Variants in MMP2 observed in about 807,000 individuals in gnomAD.
MMP2 encodes matrix metallopeptidase 2.
MMP2 carries 39 observed loss-of-function variants against 74.8 expected under a neutral mutation model. The observed-to-expected ratio is 0.52, with a 90% CI of 0.40 to 0.68. MMP2 has a LOEUF of 0.68. Among genes scored for constraint, MMP2 ranks in the 30% least tolerant of loss-of-function variants. The probability of loss-of-function intolerance (pLI) is 0.00; values close to 1 mark genes in which losing one functional copy is unlikely to be tolerated. For missense variants in MMP2, 803 were observed against 878.3 expected, an observed-to-expected ratio of 0.91 and a Z score of 1.08; for synonymous variants, 367 against 339.8, an observed-to-expected ratio of 1.08 and a Z score of -0.88.
At chr16:55,487,361 A>T (rs1421016705) in intron 5 of MMP2, 5 of 152,332 alleles carry the variant, frequency 3.3e-5, no homozygotes, top group African/African-American at 1.2e-4. Context: ...GGGTGGTAGA[A>T]ATGAGAGGTC....
Position 55,483,105 on chromosome 16 carries a change from C to T in MMP2, c.350C>T (p.Pro117Leu). 1 of 1,614,052 alleles carries T rather than the reference C, an allele frequency of 6.2e-7. No homozygotes were observed. The highest frequency in any genetic ancestry group is 8.5e-7 in the Non-Finnish European group (1 of 1,179,984). ...VANYNFFPRK[P>L]KWDKNQITYR... ...AACTACAACTTCTTCCCTCGCAAGC[C>T]CAAGTGGGACAAGAACCAGATCACA... Residue 117 changes from proline to leucine, a missense_variant, in exon 2 of 13, where the codon CCC (proline) becomes CTC (leucine). By Grantham distance (98) the Pro-to-Leu change is moderately conservative (BLOSUM62 -3). This residue lies in a region of MMP2 where 223 missense variants were observed against 232.8 expected (regional missense o/e 0.96). Transcript: ENST00000219070.
At chr16:55,480,953 C>A (rs1347709639) in intron 1 of MMP2, among the ~76,000 whole-genome samples, 5 of 152,078 alleles carry the variant, frequency 3.3e-5, no homozygotes, top group South Asian at 4.2e-4. Context: ...GGGACAATGA[C>A]AAAGCTACTT....
At chr16:55,488,185 A>C (rs974895363) in intron 5 of MMP2, 3 of 304,668 alleles carry the variant, frequency 9.8e-6, no homozygotes, top group Middle Eastern at 1.1e-3. Context: ...TGATATATTC[A>C]TGTCATACAT....
intron 9 of MMP2, 146 bp from the exon 10 acceptor site, chr16:55,496,780 C>T: frequency 9.0e-7 from 1 of 1,115,440 alleles, no homozygotes. Context: ...TTCTCCAGTC[C>T]TTCTCCAACC....
chr16:55,500,947 G>C (rs1221604188), intron 11 of MMP2, among the ~76,000 whole-genome samples: 1 of 152,230 alleles, frequency 6.6e-6, no homozygotes, highest in Non-Finnish European at 1.5e-5. Flanking sequence ...TTCCACATCT[G>C]CTGTGTGCCA....
chr16:55,500,538 C>CACACACACACACACACACACAG (rs1227112652), intron 11 of MMP2, among the ~76,000 whole-genome samples: 32 of 147,614 alleles, frequency 2.2e-4, no homozygotes, highest in Admixed American at 7.5e-4. Context: ...CACACACACA[C>CACACACACACACACACACACAG]AGGCATGGAG....
Position 55,499,795 on chromosome 16 carries a change from G to A in MMP2, c.1769+1347G>A, listed in dbSNP as rs146771053. Among the ~76,000 whole-genome samples the A allele has an allele frequency of 3.8e-3, 574 of 152,278 alleles. 4 individuals are homozygous for A. Among genetic ancestry groups the A allele is most frequent in the African/African-American group, 0.013 (526 of 41,542 alleles). ...AGTACCCCCTCCACTATACCTGCCA[G>A]TCCATTTGATTAGTGAGGAAAGAGT... On this transcript the variant is annotated intron_variant, in intron 11 of 12. Coordinates refer to ENST00000219070, the MANE Select transcript of MMP2 (RefSeq NM_004530.6).
intron 5 of MMP2, 81 bp from the exon 6 acceptor site, chr16:55,488,462 C>T (rs966272107): frequency 5.1e-6 from 7 of 1,383,284 alleles, no homozygotes; most frequent in Non-Finnish European, 7.1e-6. Context: ...CTGGTGTGAA[C>T]CGGCAGGTGG....
At chr16:55,501,532 T>C (rs1962665914) in intron 11 of MMP2, among the ~76,000 whole-genome samples, 1 of 152,060 alleles carries the variant, frequency 6.6e-6, no homozygotes, top group African/African-American at 2.4e-5. Context: ...AGTGTTGGGA[T>C]TTTGAGCTAG....
intron 5 of MMP2, chr16:55,487,263 T>C (rs1962282338): frequency 6.6e-6 from 1 of 152,246 alleles, no homozygotes; most frequent in South Asian, 2.1e-4. Context: ...GCAGAGATTG[T>C]TGTTACTCAG....
intron 2 of MMP2, 64 bp from the exon 3 acceptor site, chr16:55,483,950 CAT>C: frequency 1.9e-6 from 3 of 1,538,806 alleles, no homozygotes; most frequent in South Asian, 2.2e-5. Flanking sequence ...TGCACACACA[CAT>C]ACTTGCATAT....
At position 55,494,040 on chromosome 16, in the gene MMP2, A is replaced by G. The variant is rs17859950; in HGVS notation, c.1472+747A>G. 4.9e-3 allele frequency among the ~76,000 whole-genome samples: 743 copies of G among 152,282 alleles called. 2 individuals carry two copies. The highest frequency in any genetic ancestry group is 0.017 in the African/African-American group (686 of 41,558). ...CCTTCCATTCTTCTATCATCCATCC[A>G]TCTACCCATCCATCCATCCATACCT... On this transcript the variant is annotated intron_variant, in intron 9 of 12. Transcript: ENST00000219070.
chr16:55,483,027 A>G lies in MMP2; in HGVS notation c.272A>G (p.Gln91Arg), dbSNP rs1247961169. 2 of 1,614,220 alleles carry G rather than the reference A, an allele frequency of 1.2e-6. No homozygotes were observed. Among genetic ancestry groups the G allele is most frequent in the South Asian group, 1.1e-5 (1 of 91,080 alleles). The stretch of plus-strand genomic sequence containing the variant: ...CTGCCCCAGACAGGTGATCTTGACC[A>G]GAATACCATCGAGACCATGCGGAAG... ...FGLPQTGDLD[Q>R]NTIETMRKPR... is the part of the protein sequence containing the mutation. The change falls in exon 2 of 13, where the codon CAG becomes CGG. Residue 91 changes from glutamine (Q) to arginine (R), a missense_variant. Gln to Arg is a conservative substitution (Grantham distance 43, BLOSUM62 1). Transcript: ENST00000219070.
chr16:55,488,268 G>A (rs527846505), intron 5 of MMP2: 3 of 497,884 alleles, frequency 6.0e-6, no homozygotes. Flanking sequence ...GGCTGAGGCA[G>A]GGTTCTAGAA....
chr16:55,481,340 G>C (rs1962092692), intron 1 of MMP2, among the ~76,000 whole-genome samples: 1 of 152,052 alleles, frequency 6.6e-6, no homozygotes, highest in South Asian at 2.1e-4. Context: ...TCACAGCGCT[G>C]GTGGGAGTGT....
Position 55,479,378 on chromosome 16 carries a change from C to T in MMP2, c.-102C>T. The stretch of plus-strand genomic sequence containing the variant: ...CCACCGAGCCAGCGGACCCTCGGAG[C>T]GCAGCCCTGCGCCGCGGAGCAGGCT... On this transcript the variant is annotated 5_prime_UTR_variant, in exon 1 of 13. Transcript: ENST00000219070. 9 of 1,292,760 alleles carry T rather than the reference C, an allele frequency of 7.0e-6. No homozygotes were observed. The highest frequency in any genetic ancestry group is 8.9e-6 in the Non-Finnish European group (9 of 1,011,532). 80.1% of individuals were successfully genotyped at this position (1,292,760 alleles called of 1,614,324 possible).
intron 8 of MMP2, 118 bp downstream of exon 8, chr16:55,492,074 A>T: frequency 9.9e-7 from 1 of 1,009,476 alleles, no homozygotes; most frequent in Non-Finnish European, 1.5e-6. Flanking sequence ...AGTGCTGGAG[A>T]CGAGGGCAGG....
Position 55,480,189 on chromosome 16 carries a change from G to A in MMP2, c.153+557G>A, listed in dbSNP as rs551338002. 3.0e-3 allele frequency: 464 copies of A among 153,318 alleles called. 1 individual carries two copies. The highest frequency in any genetic ancestry group is 3.8e-3 in the Non-Finnish European group (260 of 68,768). 9.5% of individuals were successfully genotyped at this position (153,318 alleles called of 1,614,324 possible). ...GGGAGCTTGGTCAAAGCGGGGCTTG[G>A]CAAATTTCTAGGAACCTTCGGCACA... On this transcript the variant is annotated intron_variant, in intron 1 of 12. Coordinates refer to ENST00000219070, the MANE Select transcript of MMP2 (RefSeq NM_004530.6).
intron 3 of MMP2, among the ~76,000 whole-genome samples, chr16:55,484,429 A>G (rs376291943): frequency 2.0e-5 from 3 of 152,162 alleles, no homozygotes; most frequent in African/African-American, 7.2e-5. Context: ...GTGCTGTCCA[A>G]TATGGCAGCC....
Sources: allele counts gnomAD v4.1 joint callset (sites outside exome capture counted in the v4.1 genomes callset), GRCh38; gene constraint gnomAD v4.1.1; regional missense constraint gnomAD v4.1.1; transcripts MANE v1.5; gene names NCBI Gene and HGNC (gene_info 2026-07-23, HGNC 2026-07-21).